STAT4: variants seen among roughly 807,000 people sequenced by gnomAD.
STAT4 encodes the protein signal transducer and activator of transcription 4.
STAT4 carries 42 observed loss-of-function variants against 110.5 expected under a neutral mutation model. That is an observed-to-expected ratio of 0.38 (90% CI 0.30 to 0.49). STAT4 has a LOEUF of 0.49. Ranked by LOEUF, STAT4 falls within the 20% of genes least tolerant of loss-of-function variation. STAT4 has a pLI of 0.95. For missense variants in STAT4, 632 were observed against 887.9 expected, an observed-to-expected ratio of 0.71 and a Z score of 3.66; for synonymous variants, 284 against 302.2, an observed-to-expected ratio of 0.94 and a Z score of 0.63.
intron 5 of STAT4, among the ~76,000 whole-genome samples, chr2:191,072,003 C>T (rs1035334253): frequency 6.6e-6 from 1 of 152,148 alleles, no homozygotes; most frequent in Non-Finnish European, 1.5e-5. Context: ...CCCTGTCACT[C>T]AGTCATTGTC....
In STAT4 at chr2:191,051,312, G is replaced by T. The variant is rs191959661; in HGVS notation, c.1251+3178C>A. Among the ~76,000 whole-genome samples the T allele has an allele frequency of 6.6e-6, 1 of 152,134 alleles. No homozygotes were observed. Among genetic ancestry groups the T allele is most frequent in the African/African-American group, 2.4e-5 (1 of 41,404 alleles). ...CATCTGTGTAGACACCTGCTCCCTC[G>T]AGAGGAGGCTGATCTGTAAATGCCA... On this transcript the variant is annotated intron_variant, in intron 14 of 23. Coordinates refer to ENST00000392320, the MANE Select transcript of STAT4 (RefSeq NM_003151.4). The surrounding 1 kb of genome is among the most constrained non-coding windows in gnomAD (Gnocchi z 5.6).
At position 191,055,604 on chromosome 2, in the gene STAT4, C is replaced by T. The variant is rs1349187118; in HGVS notation, c.1207-1070G>A. Among the ~76,000 whole-genome samples, 80 of 151,906 alleles carry T rather than the reference C, an allele frequency of 5.3e-4. 1 individual carries two copies. The highest frequency in any genetic ancestry group is 2.4e-5 in the African/African-American group (1 of 41,232). On this transcript the variant is annotated intron_variant, in intron 13 of 23. Transcript: ENST00000392320. ...TCTTGACCCTGTGATCCACCCTCCTCGGCCTCCCAAAGTGTTGGGATTACA... is the reference window on the plus strand; with the variant it reads ...TCTTGACCCTGTGATCCACCCTCCTTGGCCTCCCAAAGTGTTGGGATTACA...
At position 191,030,092 on chromosome 2, in the gene STAT4, G is replaced by A. The variant is rs1695844285; in HGVS notation, c.2221-226C>T. Reference sequence around the variant, plus strand: ...GAAAAGTGTTTTAAGAAAAAGGCCTGTTTATCCACCAAAAACATAATGAGG... The same window carrying A: ...GAAAAGTGTTTTAAGAAAAAGGCCTATTTATCCACCAAAAACATAATGAGG... On this transcript the variant is annotated intron_variant, in intron 23 of 23. Transcript: ENST00000392320. The surrounding 1 kb of genome is among the most constrained non-coding windows in gnomAD (Gnocchi z 4.4). 6.6e-6 allele frequency among the ~76,000 whole-genome samples: 1 copy of A among 152,140 alleles called. No individual in the cohort carries two copies. The highest frequency in any genetic ancestry group is 2.4e-5 in the African/African-American group (1 of 41,444).
intron 3 of STAT4, chr2:191,132,044 A>C (rs1699050126): frequency 9.3e-7 from 1 of 1,069,562 alleles, no homozygotes; most frequent in South Asian, 4.6e-5. Flanking sequence ...ACTGAAGAGA[A>C]ACGTTTCTTA....
Position 191,062,711 on chromosome 2 carries a change from G to A in STAT4, c.941+51C>T, listed in dbSNP as rs761042527. On this transcript the variant is annotated intron_variant, in intron 9 of 23. Transcript: ENST00000392320. The surrounding 1 kb of genome is among the most constrained non-coding windows in gnomAD (Gnocchi z 4.9). ...ACCTAAACACCAAAACCTTAGGAAG[G>A]GTGTTCTTACTTCACAGAATGGAGG... The A allele has an allele frequency of 2.8e-5, 45 of 1,601,010 alleles. No homozygotes were observed. In the African/African-American group the frequency reaches 5.6e-4, roughly 20 times the overall value.
chr2:191,045,345 G>A (rs1322750412), intron 14 of STAT4, among the ~76,000 whole-genome samples: 2 of 152,186 alleles, frequency 1.3e-5, no homozygotes, highest in Non-Finnish European at 2.9e-5. Flanking sequence ...CAGGCTTACT[G>A]AATCAGACTC....
At chr2:191,151,309 T>C, upstream of STAT4, 1 of 985,482 alleles carries the variant, frequency 1.0e-6, no homozygotes, top group Non-Finnish European at 1.2e-6. The surrounding 1 kb of genome is among the most constrained non-coding windows in gnomAD (Gnocchi z 4.7). Flanking sequence ...TTAGACAATC[T>C]GAGATCCTCT....
chr2:191,088,602 G>A (rs73981268), intron 3 of STAT4, among the ~76,000 whole-genome samples: 222 of 152,144 alleles, frequency 1.5e-3, no homozygotes, highest in African/African-American at 5.2e-3. Context: ...TATATGGAGA[G>A]GCTAAAGAGC....
At chr2:191,036,533 C>T (rs1164871910) in intron 16 of STAT4, among the ~76,000 whole-genome samples, 2 of 152,170 alleles carry the variant, frequency 1.3e-5, no homozygotes, top group Non-Finnish European at 2.9e-5. Context: ...TCAGCAGCTT[C>T]CCAGTATGAT....
At position 191,062,197 on chromosome 2, in the gene STAT4, G is replaced by C. The variant is rs908393005; in HGVS notation, c.942-376C>G. ...GGCCTCCTGAGTATCTAGGACTATAGGGATGTGCCACCATGCCTGGATACA... is the reference window on the plus strand; with the variant it reads ...GGCCTCCTGAGTATCTAGGACTATACGGATGTGCCACCATGCCTGGATACA... On this transcript the variant is annotated intron_variant, in intron 9 of 23. Transcript: ENST00000392320. The surrounding 1 kb of genome is among the most constrained non-coding windows in gnomAD (Gnocchi z 4.9). Among the ~76,000 whole-genome samples the C allele has an allele frequency of 5.9e-5, 9 of 152,064 alleles. No homozygotes were observed. The highest frequency in any genetic ancestry group is 2.2e-4 in the African/African-American group (9 of 41,394).
In STAT4 at chr2:191,091,811, G is replaced by C. The variant is rs114987211; in HGVS notation, c.274-15486C>G. 5.2e-3 allele frequency among the ~76,000 whole-genome samples: 794 copies of C among 152,254 alleles called. 4 individuals carry two copies. Among genetic ancestry groups the C allele is most frequent in the African/African-American group, 0.018 (744 of 41,540 alleles). On this transcript the variant is annotated intron_variant, in intron 3 of 23. Transcript: ENST00000392320. This position sits in a 1 kb window ranked among gnomAD's most constrained non-coding sequence, Gnocchi z 5.4. ...GTAACTTTAAGCCGGTATTCACTTT[G>C]ACTCCAGAGTGTTGACTTACTTTTA... is the stretch of plus-strand genomic sequence containing the variant.
intron 3 of STAT4, among the ~76,000 whole-genome samples, chr2:191,096,254 C>T (rs1214336225): frequency 2.6e-5 from 4 of 152,186 alleles, no homozygotes; most frequent in Admixed American, 6.5e-5. Flanking sequence ...AGGGAATCCT[C>T]CCTAATTCAT....
intron 3 of STAT4, among the ~76,000 whole-genome samples, chr2:191,095,333 C>T (rs1368247680): frequency 6.6e-6 from 1 of 152,190 alleles, no homozygotes; most frequent in East Asian, 1.9e-4. Context: ...CCACATCGCA[C>T]TTATTCCAAA....
At position 191,090,826 on chromosome 2, in the gene STAT4, C is replaced by T. The variant is rs1697778176; in HGVS notation, c.274-14501G>A. Among the ~76,000 whole-genome samples, 1 of 152,092 alleles carries T rather than the reference C, an allele frequency of 6.6e-6. No homozygotes were observed. Among genetic ancestry groups the T allele is most frequent in the African/African-American group, 2.4e-5 (1 of 41,414 alleles). ...GGGGATGGTCTCGATCCCCTGACCT[C>T]GTGATCCACCCACCTTGGCCTCCCA... On this transcript the variant is annotated intron_variant, in intron 3 of 23. Coordinates refer to ENST00000392320, the MANE Select transcript of STAT4 (RefSeq NM_003151.4). This position sits in a 1 kb window ranked among gnomAD's most constrained non-coding sequence, Gnocchi z 4.2.
At position 191,116,548 on chromosome 2, in the gene STAT4, A is replaced by G. The variant is rs570040082; in HGVS notation, c.273+30065T>C. The stretch of plus-strand genomic sequence containing the variant: ...CTTATAGATTTAGAATTTTTTTAAA[A>G]GCATATTGCATGAAATTTAGACAAA... On this transcript the variant is annotated intron_variant, in intron 3 of 23. Transcript: ENST00000392320. This position sits in a 1 kb window ranked among gnomAD's most constrained non-coding sequence, Gnocchi z 4.1. Among the ~76,000 whole-genome samples, 1 of 152,230 alleles carries G rather than the reference A, an allele frequency of 6.6e-6. No individual in the cohort carries two copies. The highest frequency in any genetic ancestry group is 1.5e-5 in the Non-Finnish European group (1 of 68,038).
chr2:191,142,720 A>T lies in STAT4; in HGVS notation c.273+3893T>A, dbSNP rs1419675724. On this transcript the variant is annotated intron_variant, in intron 3 of 23. Transcript: ENST00000392320. This position sits in a 1 kb window ranked among gnomAD's most constrained non-coding sequence, Gnocchi z 4.1. ...GAATAAAATATTTCATGTACCCCAT[A>T]AATATGTAAAGTATTGTATATCAAT... Among the ~76,000 whole-genome samples, 1 of 152,190 alleles carries T rather than the reference A, an allele frequency of 6.6e-6. No homozygotes were observed. Among genetic ancestry groups the T allele is most frequent in the Non-Finnish European group, 1.5e-5 (1 of 68,030 alleles).
At chr2:191,067,294 C>G (rs1170235944) in intron 6 of STAT4, among the ~76,000 whole-genome samples, 1 of 152,074 alleles carries the variant, frequency 6.6e-6, no homozygotes, top group Non-Finnish European at 1.5e-5. Flanking sequence ...CTCAAGGTCT[C>G]TCTCAATCTT....
intron 4 of STAT4, among the ~76,000 whole-genome samples, chr2:191,074,386 G>T (rs916784475): frequency 2.0e-5 from 3 of 152,114 alleles, no homozygotes; most frequent in Non-Finnish European, 4.4e-5. Context: ...CTTACAATTG[G>T]TAAAGCCTTT....
Position 191,112,100 on chromosome 2 carries a change from G to T in STAT4, c.273+34513C>A, listed in dbSNP as rs1368832327. On this transcript the variant is annotated intron_variant, in intron 3 of 23. Transcript: ENST00000392320. The surrounding 1 kb of genome is among the most constrained non-coding windows in gnomAD (Gnocchi z 4.3). ...TGGGTATACACTTATGTCAAAACTT[G>T]TCAGATTGTACACTTTAAATATATA... Among the ~76,000 whole-genome samples the T allele has an allele frequency of 6.6e-6, 1 of 152,112 alleles. No homozygotes were observed. The highest frequency in any genetic ancestry group is 6.6e-5 in the Admixed American group (1 of 15,262).
Sources: gnomAD v4.1 joint callset for allele counts (sites outside exome capture counted in the v4.1 genomes callset) on GRCh38, gnomAD v4.1.1 for gene constraint, Gnocchi (gnomAD v3.1) non-coding constraint, MANE v1.5 for transcripts, NCBI Gene and HGNC (gene_info 2026-07-23, HGNC 2026-07-21) for gene names.